IFI16: variants seen among roughly 807,000 people sequenced by gnomAD.
IFI16 encodes the protein interferon gamma inducible protein 16, also known as gamma-interferon-inducible protein 16.
IFI16 carries 49 observed loss-of-function variants against 68.4 expected under a neutral mutation model. That is an observed-to-expected ratio of 0.72 (90% CI 0.57 to 0.91). The LOEUF is 0.91. IFI16 is among the 40% of genes least tolerant of loss of function. The pLI is 0.00. For missense variants in IFI16, 878 were observed against 942.9 expected (o/e 0.93, Z 0.90); for synonymous variants, 307 against 315.0 (o/e 0.97, Z 0.27).
At chr1:159,015,774 G>T in intron 2 of IFI16, 98 bp from the exon 3 acceptor site, 1 of 869,314 alleles carries the variant, frequency 1.2e-6, no homozygotes, top group East Asian at 2.5e-5. Context: ...AGCAGGAACT[G>T]AGAGCAAATT....
chr1:159,028,425 G>T (rs928618031), intron 6 of IFI16, among the ~76,000 whole-genome samples: 4 of 151,884 alleles, frequency 2.6e-5, no homozygotes, highest in Admixed American at 6.6e-5. Flanking sequence ...CTTGTTTTGT[G>T]GCCTATTATA....
intron 6 of IFI16, among the ~76,000 whole-genome samples, chr1:159,021,939 C>CTTTTTTT (rs56149308): frequency 3.2e-5 from 2 of 61,700 alleles, no homozygotes; most frequent in African/African-American, 1.3e-4. Flanking sequence ...GCCCTTAGCC[C>CTTTTTTT]TTTTTTTTTT....
In IFI16 at chr1:159,051,681, G is replaced by T; in HGVS notation, c.1668G>T (p.Leu556Phe). The T allele has an allele frequency of 6.2e-7, 1 of 1,606,276 alleles. No homozygotes were observed. The highest frequency in any genetic ancestry group is 1.1e-5 in the South Asian group (1 of 90,660). ...TGTTTTGGTCTCTACCTTCTAAGTTGAAACCAAGACTGAAGACTGAACCTG... is the reference window on the plus strand; with the variant it reads ...TGTTTTGGTCTCTACCTTCTAAGTTTAAACCAAGACTGAAGACTGAACCTG... ...STPSSSFLTT[L>F]KPRLKTEPEE... is the part of the protein sequence containing the mutation. Residue 556 changes from leucine to phenylalanine, a missense_variant and splice_region_variant, in exon 10 of 12, where the codon TTG becomes TTT. Leu to Phe is a conservative substitution (Grantham distance 22). Coordinates refer to ENST00000295809, the MANE Select transcript of IFI16 (RefSeq NM_001376587.1).
upstream of IFI16, among the ~76,000 whole-genome samples, chr1:159,004,816 A>T (rs943306627): frequency 6.6e-6 from 1 of 152,260 alleles, no homozygotes; most frequent in Admixed American, 6.5e-5. Flanking sequence ...GCCAAAGTGA[A>T]GTCCTGAAAT....
At chr1:159,017,203 G>A (rs1652989119) in intron 4 of IFI16, among the ~76,000 whole-genome samples, 1 of 152,220 alleles carries the variant, frequency 6.6e-6, no homozygotes, top group Non-Finnish European at 1.5e-5. Flanking sequence ...GTTTCTGTTA[G>A]CATGCTACCT....
chr1:159,051,394 T>C (rs1655347774), intron 9 of IFI16, among the ~76,000 whole-genome samples: 1 of 152,214 alleles, frequency 6.6e-6, no homozygotes, highest in African/African-American at 2.4e-5. Context: ...TACCTCTTGA[T>C]AGGGGATATG....
chr1:159,042,359 T>C (rs1318717746), intron 7 of IFI16, among the ~76,000 whole-genome samples: 1 of 152,216 alleles, frequency 6.6e-6, no homozygotes, highest in East Asian at 1.9e-4. Flanking sequence ...GAATAATTGC[T>C]ATTTTTTCCT....
intron 6 of IFI16, among the ~76,000 whole-genome samples, chr1:159,023,542 T>TA (rs1321536616): frequency 6.6e-6 from 1 of 152,242 alleles, no homozygotes. Context: ...GCACTTCTCA[T>TA]AGGACCTTAA....
intron 11 of IFI16, among the ~76,000 whole-genome samples, chr1:159,054,399 C>T (rs187934162): frequency 6.6e-6 from 1 of 152,326 alleles, no homozygotes; most frequent in Non-Finnish European, 1.5e-5. Flanking sequence ...TCTCAGATTG[C>T]TCCAGTTCTC....
intron 9 of IFI16, among the ~76,000 whole-genome samples, chr1:159,050,755 A>C (rs1655304998): frequency 6.6e-6 from 1 of 151,790 alleles, no homozygotes; most frequent in Non-Finnish European, 1.5e-5. Context: ...GTTAAAGAAA[A>C]GTCCCCTCCC....
chr1:159,039,628 G>A (rs928201606), intron 7 of IFI16, among the ~76,000 whole-genome samples: 2 of 152,160 alleles, frequency 1.3e-5, no homozygotes, highest in African/African-American at 4.8e-5. Context: ...ACAGGTGTGA[G>A]CCACTGTGCC....
rs1399338359 is a variant in IFI16, at chr1:159,016,575, A to G, written c.424A>G (p.Ser142Gly). 1.9e-6 allele frequency: 3 copies of G among 1,614,060 alleles called. No individual in the cohort carries two copies. The highest frequency in any genetic ancestry group is 2.5e-6 in the Non-Finnish European group (3 of 1,180,010). ...STKEKAGPKGSKVSEEQTQPP... is the reference protein window; with the variant it reads ...STKEKAGPKGGKVSEEQTQPP... ...CAAAGAAAAGGCTGGACCCAAAGGG[A>G]GTAAGGTGTCCGAGGAACAGACTCA... Residue 142 changes from serine (S) to glycine (G), a missense_variant, in exon 4 of 12, where the codon AGT becomes GGT. Ser to Gly is a moderately conservative substitution (Grantham distance 56). This residue lies in a region of IFI16 where 443 missense variants were observed against 421.8 expected (regional missense o/e 1.05). Coordinates refer to ENST00000295809, the MANE Select transcript of IFI16 (RefSeq NM_001376587.1).
At chr1:159,030,237 T>C (rs2840312) in intron 6 of IFI16, among the ~76,000 whole-genome samples, 42,802 of 151,976 alleles carry the variant, frequency 0.28, 8,098 homozygotes, top group African/African-American at 0.53. Context: ...TTGGTATTCA[T>C]CCTTCTCTGG....
intron 8 of IFI16, among the ~76,000 whole-genome samples, chr1:159,047,534 C>A (rs1655070706): frequency 6.7e-6 from 1 of 150,260 alleles, no homozygotes; most frequent in East Asian, 1.9e-4. Context: ...CCTTGCCTGC[C>A]TAAATATGCA....
upstream of IFI16, among the ~76,000 whole-genome samples, chr1:159,003,171 TAAG>T (rs1424316815): frequency 4.6e-5 from 7 of 152,192 alleles, no homozygotes; most frequent in South Asian, 4.1e-4. Context: ...CCCTAGATTC[TAAG>T]AAGGAAGTAA....
chr1:159,040,926 T>C (rs1654594880), intron 7 of IFI16, among the ~76,000 whole-genome samples: 1 of 152,250 alleles, frequency 6.6e-6, no homozygotes, highest in Admixed American at 6.5e-5. Flanking sequence ...GTCTCCAGTA[T>C]ATTTACATGT....
intron 6 of IFI16, among the ~76,000 whole-genome samples, chr1:159,025,634 T>C (rs1163997436): frequency 1.3e-5 from 2 of 152,240 alleles, no homozygotes; most frequent in Non-Finnish European, 2.9e-5. Flanking sequence ...GTTGTCTGTT[T>C]ACTGATTATT....
intron 6 of IFI16, among the ~76,000 whole-genome samples, chr1:159,022,901 C>T (rs187791370): frequency 6.6e-6 from 1 of 152,244 alleles, no homozygotes; most frequent in East Asian, 1.9e-4. Flanking sequence ...CATAATTCTT[C>T]TTTAAACTTG....
At position 159,025,271 on chromosome 1, in the gene IFI16, C is replaced by T. The variant is rs754874298; in HGVS notation, c.1161+4742C>T. Among the ~76,000 whole-genome samples the T allele has an allele frequency of 1.7e-4, 26 of 152,096 alleles. 1 individual carries two copies. The highest frequency in any genetic ancestry group is 6.4e-3 in the Middle Eastern group (2 of 314). On this transcript the variant is annotated intron_variant, in intron 6 of 11. Transcript: ENST00000295809. ...CTTCTTGTGGCCTTCACCACCCCCG[C>T]GTGCTATGGCCTTGGGGATGAGGGG...
Sources: allele counts gnomAD v4.1 joint callset (sites outside exome capture counted in the v4.1 genomes callset), GRCh38; gene constraint gnomAD v4.1.1; regional missense constraint gnomAD v4.1.1; transcripts MANE v1.5; gene names NCBI Gene and HGNC (gene_info 2026-07-23, HGNC 2026-07-21).